Variants in RBM12 observed in about 807,000 individuals in gnomAD.
RBM12 encodes the protein RNA-binding protein 12.
A neutral mutation model predicts 37.2 loss-of-function variants in RBM12; 24 were observed. The ratio of observed to expected loss-of-function variants is 0.65; its 90% CI spans 0.47 to 0.91. The LOEUF is 0.91. Ranked by LOEUF, RBM12 falls within the 40% of genes least tolerant of loss-of-function variation. The probability of loss-of-function intolerance (pLI) is 0.00; values close to 1 mark genes in which losing one functional copy is unlikely to be tolerated. For synonymous variants in RBM12, 420 were observed against 425.2 expected, an observed-to-expected ratio of 0.99 and a Z score of 0.15; for missense variants, 1,061 against 1,183.2, an observed-to-expected ratio of 0.90 and a Z score of 1.52.
chr20:35,653,983 A>G lies in RBM12; in HGVS notation c.1340T>C (p.Ile447Thr). The change falls in exon 3 of 3, where the codon ATT becomes ACT. Residue 447 changes from isoleucine to threonine, a missense_variant. Physicochemically the swap from Ile to Thr is moderately conservative, Grantham distance 89. Around this residue, in one of 3 missense-constraint regions of RBM12, gnomAD observed 540 missense variants for 632.7 expected, o/e 0.85. Transcript: ENST00000374114. ...LPFEAENKHV[I>T]DFFKKLDIVE... is the part of the protein sequence containing the mutation. ...AATATCCAGCTTTTTAAAAAAATCA[A>G]TGACATGTTTGTTTTCTGCTTCAAA... 6.2e-7 allele frequency: 1 copy of G among 1,614,168 alleles called. No individual in the cohort carries two copies. The highest frequency in any genetic ancestry group is 8.5e-7 in the Non-Finnish European group (1 of 1,180,032).
In RBM12 at chr20:35,652,859, G is replaced by C. The variant is rs1487668144; in HGVS notation, c.2464C>G (p.Pro822Ala). ...CCGGGGCCAGGCCCAAAAGCTGGTG[G>C]CCCACCCAAATGCCCAGGGGCACTT... ...LGSAPGHLGG[P>A]PAFGPGPGPG... Residue 822 changes from proline to alanine, a missense_variant, in exon 3 of 3, where the codon CCA (proline) becomes GCA (alanine). Physicochemically the swap from Pro to Ala is conservative, Grantham distance 27 (BLOSUM62 -1). This residue lies in a region of RBM12 where 517 missense variants were observed against 534.0 expected (regional missense o/e 0.97). Transcript: ENST00000374114. 3.1e-6 allele frequency: 5 copies of C among 1,611,592 alleles called. No homozygotes were observed. The highest frequency in any genetic ancestry group is 4.2e-6 in the Non-Finnish European group (5 of 1,178,854).
At position 35,653,413 on chromosome 20, in the gene RBM12, T is replaced by C; in HGVS notation, c.1910A>G (p.Lys637Arg). 6.2e-7 allele frequency: 1 copy of C among 1,613,954 alleles called. No homozygotes were observed. Among genetic ancestry groups the C allele is most frequent in the Non-Finnish European group, 8.5e-7 (1 of 1,179,962 alleles). The change falls in exon 3 of 3, where the codon AAG becomes AGG. Residue 637 changes from lysine (K) to arginine (R), a missense_variant. By Grantham distance (26) the Lys-to-Arg change is conservative (BLOSUM62 2). Coordinates refer to ENST00000374114, the MANE Select transcript of RBM12 (RefSeq NM_006047.6). Reference protein sequence around the residue: ...IEKNPPAQGKKGLKMPVPGNP... With the variant: ...IEKNPPAQGKRGLKMPVPGNP... ...ACCTGGCACAGGCATCTTTAATCCC[T>C]TTTTTCCTTGGGCAGGGGGATTTTT...
Position 35,654,276 on chromosome 20 carries a change from C to T in RBM12, c.1047G>A (p.Lys349=). Residue 349 remains lysine (K), a synonymous_variant, in exon 3 of 3, where the codon AAG becomes AAA. Coordinates refer to ENST00000374114, the MANE Select transcript of RBM12 (RefSeq NM_006047.6). ...CAAATGTATCTTGAGGGGAGAGAAA[C>T]TTAACCAATCCATTCCCATTATTTC... ...VGRNNGNGLV[K]FLSPQDTFEA... 6.2e-7 allele frequency: 1 copy of T among 1,614,194 alleles called. No homozygotes were observed. The highest frequency in any genetic ancestry group is 1.3e-5 in the African/African-American group (1 of 75,034).
chr20:35,653,783 T>G lies in RBM12; in HGVS notation c.1540A>C (p.Ile514Leu). Residue 514 changes from isoleucine (I) to leucine (L), a missense_variant, in exon 3 of 3, where the codon ATA becomes CTA. Coordinates refer to ENST00000374114, the MANE Select transcript of RBM12 (RefSeq NM_006047.6). ...TGCAGTCTTTTTCGAATCATATCTATCTTTTCTAGCATACCTTTCTTAGTA... is the reference window on the plus strand; with the variant it reads ...TGCAGTCTTTTTCGAATCATATCTAGCTTTTCTAGCATACCTTTCTTAGTA... ...PITKKGMLEK[I>L]DMIRKRLQNF... 1 of 1,614,052 alleles carries G rather than the reference T, an allele frequency of 6.2e-7. No homozygotes were observed. The highest frequency in any genetic ancestry group is 8.5e-7 in the Non-Finnish European group (1 of 1,180,040).
In RBM12 at chr20:35,655,027, G is replaced by T. The variant is rs199582639; in HGVS notation, c.296C>A (p.Pro99Gln). 7.4e-5 allele frequency: 120 copies of T among 1,613,982 alleles called. No homozygotes were observed. The highest frequency in any genetic ancestry group is 9.6e-5 in the Non-Finnish European group (113 of 1,180,022). Residue 99 changes from proline to glutamine, a missense_variant, in exon 3 of 3, where the codon CCA (proline) becomes CAA (glutamine). Physicochemically the swap from Pro to Gln is moderately conservative, Grantham distance 76. Transcript: ENST00000374114. ...RFETANLDIP[P>Q]ANASRSGPPP... The stretch of plus-strand genomic sequence containing the variant: ...TGGTCCTGATCTACTGGCATTTGCT[G>T]GTGGTATATCTAAGTTGGCAGTTTC...
Position 35,663,519 on chromosome 20 carries a change from A to C in RBM12, c.-108+1241T>G, listed in dbSNP as rs188818149. On this transcript the variant is annotated intron_variant, in intron 1 of 2. Transcript: ENST00000374114. The stretch of plus-strand genomic sequence containing the variant: ...TTTTCCAGTGGGTTATACTGACTCT[A>C]TTATTGAATAATATAAAACGGTCCC... Among the ~76,000 whole-genome samples, 25 of 152,286 alleles carry C rather than the reference A, an allele frequency of 1.6e-4. No homozygotes were observed. In the East Asian group the frequency reaches 4.2e-3, roughly 26 times the overall value.
intron 1 of RBM12, among the ~76,000 whole-genome samples, chr20:35,664,078 C>T (rs570883558): frequency 6.6e-6 from 1 of 152,226 alleles, no homozygotes; most frequent in Non-Finnish European, 1.5e-5. Flanking sequence ...CACCCCACCC[C>T]CTCACCTCCT....
chr20:35,662,807 G>A (rs926794660), intron 1 of RBM12, among the ~76,000 whole-genome samples: 10 of 152,122 alleles, frequency 6.6e-5, no homozygotes, highest in Admixed American at 5.9e-4. Context: ...AACATTTGAC[G>A]TGTCAAAGAA....
chr20:35,663,277 CTA>C (rs982711076), intron 1 of RBM12, among the ~76,000 whole-genome samples: 1 of 152,296 alleles, frequency 6.6e-6, no homozygotes, highest in East Asian at 1.9e-4. Flanking sequence ...CAAGATTTCC[CTA>C]TGTGTCCAGA....
rs1414884208 is a variant in RBM12, at chr20:35,653,150, C to T, written c.2173G>A (p.Gly725Ser). The T allele has an allele frequency of 3.1e-6, 5 of 1,613,458 alleles. No individual in the cohort carries two copies. The highest frequency in any genetic ancestry group is 4.2e-6 in the Non-Finnish European group (5 of 1,180,038). Residue 725 changes from glycine (G) to serine (S), a missense_variant, in exon 3 of 3, where the codon GGT becomes AGT. Gly to Ser is a moderately conservative substitution (Grantham distance 56, BLOSUM62 0). Coordinates refer to ENST00000374114, the MANE Select transcript of RBM12 (RefSeq NM_006047.6). ...AAGGCATTTGATCCACCAAAATTAC[C>T]AGGAAAGTTAAATGGAGGCCCATTA... is the stretch of plus-strand genomic sequence containing the variant. ...ANNGPPFNFPGNFGGSNAFGP... is the reference protein window; with the variant it reads ...ANNGPPFNFPSNFGGSNAFGP...
In RBM12 at chr20:35,653,574, T is replaced by C; in HGVS notation, c.1749A>G (p.Gln583=). 6.2e-7 allele frequency: 1 copy of C among 1,614,246 alleles called. No individual in the cohort carries two copies. The highest frequency in any genetic ancestry group is 2.2e-5 in the East Asian group (1 of 44,892). The change falls in exon 3 of 3, where the codon CAA becomes CAG. Residue 583 remains glutamine, a synonymous_variant. Transcript: ENST00000374114. Reference sequence around the variant, plus strand: ...ACTGAACCAATGCCTGTCCTAGACCTTGCCCATTGTTATCAACAAGAACAT... The same window carrying C: ...ACTGAACCAATGCCTGTCCTAGACCCTGCCCATTGTTATCAACAAGAACAT... ...AVHVLVDNNG[Q]GLGQALVQFK...
chr20:35,662,286 G>A (rs1029033266), intron 1 of RBM12, among the ~76,000 whole-genome samples: 92 of 152,152 alleles, frequency 6.0e-4, no homozygotes, highest in Non-Finnish European at 3.4e-4. Context: ...TTTCACTTCA[G>A]AGCAAAATTA....
intron 1 of RBM12, among the ~76,000 whole-genome samples, chr20:35,663,901 T>C (rs1168302638): frequency 2.6e-5 from 4 of 152,040 alleles, no homozygotes; most frequent in Admixed American, 2.6e-4. Context: ...TAACTCTCCA[T>C]CAAAAGCACC....
At chr20:35,657,012 A>G (rs1177818345) in intron 2 of RBM12, among the ~76,000 whole-genome samples, 1 of 152,250 alleles carries the variant, frequency 6.6e-6, no homozygotes, top group African/African-American at 2.4e-5. Flanking sequence ...TTATATCTCA[A>G]TATTACAACT....
Position 35,654,728 on chromosome 20 carries a change from G to A in RBM12, c.595C>T (p.Leu199=). The change falls in exon 3 of 3, where the codon CTG becomes TTG. Residue 199 remains leucine (L), a synonymous_variant. Transcript: ENST00000374114. ...GGGGGAATGGATGGCATTGGTGGCA[G>A]AGATGGCATCGCTGGAATTGGAGGA... ...PIPPIPAMPS[L]PPMPSIPPIP... is the part of the protein sequence containing the mutation. The A allele has an allele frequency of 6.2e-7, 1 of 1,613,676 alleles. No individual in the cohort carries two copies. Among genetic ancestry groups the A allele is most frequent in the Non-Finnish European group, 8.5e-7 (1 of 1,179,564 alleles).
In RBM12 at chr20:35,653,292, C is replaced by A. The variant is rs2033665124; in HGVS notation, c.2031G>T (p.Leu677=). ...LPGAGLPSTG[L]PGSAITSAGL... is the part of the protein sequence containing the mutation. ...CTGCACTGGTTATTGCTGAACCAGGCAGTCCTGTGCTGGGCAGGCCTGCAC... is the reference window on the plus strand; with the variant it reads ...CTGCACTGGTTATTGCTGAACCAGGAAGTCCTGTGCTGGGCAGGCCTGCAC... The change falls in exon 3 of 3, where the codon CTG becomes CTT. Residue 677 remains leucine, a synonymous_variant. Transcript: ENST00000374114. 3.7e-6 allele frequency: 6 copies of A among 1,613,384 alleles called. No homozygotes were observed. Among genetic ancestry groups the A allele is most frequent in the Non-Finnish European group, 5.1e-6 (6 of 1,179,762 alleles).
Position 35,655,355 on chromosome 20 carries a change from GA to G in RBM12, c.-22-12del. 6.3e-7 allele frequency: 1 copy of G among 1,576,990 alleles called. No homozygotes were observed. Among genetic ancestry groups the G allele is most frequent in the Non-Finnish European group, 8.6e-7 (1 of 1,167,490 alleles). ...TGAAACCACACACACCTGCAGATGAGAAAAGGCAACGGCCAGGTCAGACTCC... is the reference window on the plus strand; with the variant it reads ...TGAAACCACACACACCTGCAGATGAGAAAGGCAACGGCCAGGTCAGACTCC... On this transcript the variant is annotated splice_polypyrimidine_tract_variant and intron_variant, in intron 2 of 2. Coordinates refer to ENST00000374114, the MANE Select transcript of RBM12 (RefSeq NM_006047.6).
rs1263804236 is a variant in RBM12, at chr20:35,649,728, T to C, written c.*2796A>G. On this transcript the variant is annotated 3_prime_UTR_variant, in exon 3 of 3. Coordinates refer to ENST00000374114, the MANE Select transcript of RBM12 (RefSeq NM_006047.6). Reference sequence around the variant, plus strand: ...GACATACATTTGTAGATTTCTCTAATCCTTTAAATCAAAAGAAAAATGAAC... The same window carrying C: ...GACATACATTTGTAGATTTCTCTAACCCTTTAAATCAAAAGAAAAATGAAC... The C allele has an allele frequency of 1.3e-5, 2 of 152,028 alleles. No homozygotes were observed. The highest frequency in any genetic ancestry group is 4.8e-5 in the African/African-American group (2 of 41,262). The allele number at this position is 152,028 out of a possible 1,614,324, so 9.4% of individuals were successfully genotyped here. A position where few individuals can be genotyped will look rare whatever the true frequency, so the allele number is the denominator to read the frequency against.
Position 35,652,365 on chromosome 20 carries a change from T to C in RBM12, c.*159A>G. The C allele has an allele frequency of 1.3e-6, 1 of 769,868 alleles. No homozygotes were observed. The highest frequency in any genetic ancestry group is 2.0e-6 in the Non-Finnish European group (1 of 488,926). 47.7% of individuals were successfully genotyped at this position (769,868 alleles called of 1,614,324 possible). ...AGCAATGTTTATCCTGGTGAGTGAG[T>C]CTTCTGTAAACAGTCAACCAATGCT... On this transcript the variant is annotated 3_prime_UTR_variant, in exon 3 of 3. Transcript: ENST00000374114.
Sources: gnomAD v4.1 joint callset for allele counts (sites outside exome capture counted in the v4.1 genomes callset) on GRCh38, gnomAD v4.1.1 for gene constraint, gnomAD v4.1.1 regional missense constraint, MANE v1.5 for transcripts, NCBI Gene and HGNC (gene_info 2026-07-23, HGNC 2026-07-21) for gene names.